The following MID1 variants were observed in gnomAD, a reference collection of about 807,000 sequenced individuals.
MID1 encodes the protein E3 ubiquitin-protein ligase Midline-1.
A neutral mutation model predicts 40.4 loss-of-function variants in MID1; 7 were observed. The observed-to-expected ratio is 0.17, with a 90% CI of 0.10 to 0.33. The LOEUF is 0.33. Among genes scored for constraint, MID1 ranks in the 10% least tolerant of loss-of-function variants. The pLI is 1.00. For synonymous variants in MID1, 229 were observed against 221.2 expected, an observed-to-expected ratio of 1.04 and a Z score of -0.31; for missense variants, 367 against 558.5, an observed-to-expected ratio of 0.66 and a Z score of 3.46.
At chrX:10,743,324 C>G (rs977160922) in intron 1 of MID1, among the ~76,000 whole-genome samples, 3 of 112,229 alleles carry the variant, frequency 2.7e-5, no homozygotes, top group African/African-American at 9.7e-5. Context: ...AATGTGGTGG[C>G]GATGGGGGAA....
rs142910559 is a variant in MID1 at position 10,696,630 on chromosome X, G to C, written c.-186-76211C>G. 5.2e-4 allele frequency among the ~76,000 whole-genome samples: 58 copies of C among 111,964 alleles called. No homozygotes were observed. The East Asian group carries it at 0.015, about 29-fold the overall frequency. On this transcript the variant is annotated intron_variant, in intron 1 of 10. Coordinates refer to the MID1 transcript ENST00000380785. ...AGACCCATACGGATTCACTGCTGCTGACAATTACATGTTGAAATGATAATA... is the reference window on the plus strand; with the variant it reads ...AGACCCATACGGATTCACTGCTGCTCACAATTACATGTTGAAATGATAATA...
chrX:10,609,011 T>C (rs1935677277), intron 1 of MID1, among the ~76,000 whole-genome samples: 1 of 112,047 alleles, frequency 8.9e-6, no homozygotes, highest in South Asian at 3.7e-4. Flanking sequence ...ATATGAAAGG[T>C]AGTGATAAGT....
intron 1 of MID1, among the ~76,000 whole-genome samples, chrX:10,590,467 G>T (rs1333442279): frequency 9.0e-6 from 1 of 111,424 alleles, no homozygotes; most frequent in Non-Finnish European, 1.9e-5. Flanking sequence ...TGGGAAGACA[G>T]GGTCGCAGCA....
chrX:10,479,837 G>A (rs928764987), intron 5 of MID1, among the ~76,000 whole-genome samples: 3 of 111,782 alleles, frequency 2.7e-5, no homozygotes, highest in East Asian at 2.8e-4. Context: ...TACTGATTTC[G>A]TTTCTTTTGG....
chrX:10,551,253 T>C (rs1933898966), intron 2 of MID1, among the ~76,000 whole-genome samples: 1 of 112,320 alleles, frequency 8.9e-6, no homozygotes. Context: ...AGTCCTCGGG[T>C]GGTAGAATAC....
chrX:10,732,094 C>T lies in MID1; in HGVS notation c.-187+101460G>A, dbSNP rs748509889. Among the ~76,000 whole-genome samples the T allele has an allele frequency of 1.3e-3, 144 of 109,694 alleles. 1 individual carries two copies. Among genetic ancestry groups the T allele is most frequent in the African/African-American group, 4.6e-3 (138 of 30,127 alleles). On this transcript the variant is annotated intron_variant, in intron 1 of 10. Coordinates refer to the MID1 transcript ENST00000380785. ...ACATCTATGGAAAACCTACAGCTCA[C>T]ATCATACTTTATTATGAGATATTGA...
intron 3 of MID1, chrX:10,501,322 A>C (rs1966448781): frequency 2.2e-6 from 2 of 923,731 alleles, no homozygotes; most frequent in Middle Eastern, 3.0e-4. Flanking sequence ...TCATGAGCAA[A>C]TATCACATTA....
chrX:10,451,303 T>C (rs763461373), intron 9 of MID1, among the ~76,000 whole-genome samples: 1 of 111,452 alleles, frequency 9.0e-6, no homozygotes, highest in African/African-American at 3.3e-5. Flanking sequence ...CAGAAGTGCT[T>C]AGAGGAGGGG....
intron 1 of MID1, among the ~76,000 whole-genome samples, chrX:10,772,026 GA>G (rs1420574695): frequency 9.0e-6 from 1 of 110,516 alleles, no homozygotes; most frequent in African/African-American, 3.3e-5. Flanking sequence ...GTCATTATAC[GA>G]AAAAGATGCT....
chrX:10,699,059 C>T (rs1479708364), intron 1 of MID1, among the ~76,000 whole-genome samples: 1 of 111,946 alleles, frequency 8.9e-6, no homozygotes, highest in African/African-American at 3.2e-5. Context: ...ATATAAGGCC[C>T]TGGCTCTGAC....
intron 1 of MID1, among the ~76,000 whole-genome samples, chrX:10,803,356 T>TC (rs1298612002): frequency 2.4e-4 from 25 of 102,550 alleles, no homozygotes; most frequent in African/African-American, 8.5e-4. Flanking sequence ...TATTTTCTTT[T>TC]TTTTTTTTTT....
chrX:10,803,037 G>A (rs986065920), intron 1 of MID1, among the ~76,000 whole-genome samples: 5 of 110,821 alleles, frequency 4.5e-5, no homozygotes, highest in African/African-American at 6.6e-5. Flanking sequence ...GGGAGAGAGA[G>A]GGATGGGGGC....
chrX:10,632,143 T>C (rs1467363760), intron 1 of MID1, among the ~76,000 whole-genome samples: 2 of 112,067 alleles, frequency 1.8e-5, no homozygotes, highest in East Asian at 2.8e-4. Flanking sequence ...TTTTCAGATG[T>C]GTTAAATTAA....
chrX:10,627,320 A>T (rs1011306398), intron 1 of MID1, among the ~76,000 whole-genome samples: 2 of 111,367 alleles, frequency 1.8e-5, no homozygotes, highest in Non-Finnish European at 3.8e-5. Flanking sequence ...TACACATATG[A>T]CCTGATTGGC....
At chrX:10,748,698 G>A (rs1251458945) in intron 1 of MID1, among the ~76,000 whole-genome samples, 1 of 112,131 alleles carries the variant, frequency 8.9e-6, no homozygotes, top group African/African-American at 3.2e-5. Context: ...ATTGGTGATT[G>A]TGTAGCATGT....
At chrX:10,467,277 A>G (rs1929438355) in intron 7 of MID1, among the ~76,000 whole-genome samples, 1 of 112,098 alleles carries the variant, frequency 8.9e-6, no homozygotes, top group Non-Finnish European at 1.9e-5. Context: ...TTAGAGAATT[A>G]GTATTTCTTT....
chrX:10,699,133 A>G (rs2043179265), intron 1 of MID1, among the ~76,000 whole-genome samples: 1 of 109,768 alleles, frequency 9.1e-6, no homozygotes, highest in East Asian at 2.8e-4. Context: ...AATAAACTCC[A>G]TTTTCCTTTT....
intron 1 of MID1, among the ~76,000 whole-genome samples, chrX:10,750,269 T>A (rs1170507661): frequency 1.8e-5 from 2 of 111,449 alleles, no homozygotes; most frequent in Non-Finnish European, 3.8e-5. Context: ...AAAAAAGACC[T>A]TGATATATAA....
chrX:10,695,964 C>T (rs943427187), intron 1 of MID1, among the ~76,000 whole-genome samples: 10 of 111,456 alleles, frequency 9.0e-5, no homozygotes, highest in Admixed American at 2.9e-4. Flanking sequence ...GAGAGCCCCC[C>T]GCCACACACA....
Sources: gnomAD v4.1 joint callset for allele counts (sites outside exome capture counted in the v4.1 genomes callset) on GRCh38, gnomAD v4.1.1 for gene constraint, MANE v1.5 for transcripts, NCBI Gene and HGNC (gene_info 2026-07-23, HGNC 2026-07-21) for gene names.